Variants in GOLGA2 observed in about 807,000 individuals in gnomAD.
The protein encoded by GOLGA2 is golgin subfamily A member 2.
Under a neutral mutation model 148.8 loss-of-function variants are expected in GOLGA2, and 49 were observed. The ratio of observed to expected loss-of-function variants is 0.33; its 90% CI spans 0.26 to 0.42. The LOEUF is 0.42. Among genes scored for constraint, GOLGA2 ranks in the 10% least tolerant of loss-of-function variants. GOLGA2 has a pLI of 1.00. For missense variants in GOLGA2, 1,178 were observed against 1,304.6 expected, an observed-to-expected ratio of 0.90 and a Z score of 1.49; for synonymous variants, 501 against 511.8, an observed-to-expected ratio of 0.98 and a Z score of 0.28.
intron 2 of GOLGA2, among the ~76,000 whole-genome samples, chr9:128,273,354 CGCA>C (rs1279472794): frequency 6.6e-6 from 1 of 152,174 alleles, no homozygotes; most frequent in Non-Finnish European, 1.5e-5. Context: ...TCTGTGGTCA[CGCA>C]GCAAGCTGGT....
rs892333490 is a variant in GOLGA2, at chr9:128,256,712, T to C, written c.*355A>G. On this transcript the variant is annotated 3_prime_UTR_variant, in exon 27 of 27. Coordinates refer to ENST00000611957, the MANE Select transcript of GOLGA2 (RefSeq NM_001366244.2). ...TTTTAGTAGAGACACAGTTTCACCA[T>C]GTTGACCAGGCTGGTCTTGAACTCC... The C allele has an allele frequency of 3.7e-5, 6 of 160,996 alleles. No individual in the cohort carries two copies. The highest frequency in any genetic ancestry group is 1.4e-4 in the African/African-American group (6 of 41,538). The allele number at this position is 160,996 out of a possible 1,614,324, so 10.0% of individuals were successfully genotyped here. A position where few individuals can be genotyped will look rare whatever the true frequency, so the allele number is the denominator to read the frequency against.
At position 128,260,424 on chromosome 9, in the gene GOLGA2, G is replaced by A. The variant is rs749222989; in HGVS notation, c.1758+41C>T. On this transcript the variant is annotated intron_variant, in intron 18 of 26. Transcript: ENST00000611957. The surrounding 1 kb of genome is among the most constrained non-coding windows in gnomAD (Gnocchi z 4.8). Reference sequence around the variant, plus strand: ...CAGGTGGGAAAACAAAGGTCTGGAGGGCTAGGGAGGAGGGCGGGCTCTCCA... The same window carrying A: ...CAGGTGGGAAAACAAAGGTCTGGAGAGCTAGGGAGGAGGGCGGGCTCTCCA... 2.0e-6 allele frequency: 3 copies of A among 1,507,388 alleles called. No individual in the cohort carries two copies. The highest frequency in any genetic ancestry group is 3.4e-5 in the Admixed American group (2 of 58,980). The allele number at this position is 1,507,388 out of a possible 1,614,324, so 93.4% of individuals were successfully genotyped here.
chr9:128,265,664 A>C lies in GOLGA2; in HGVS notation c.854T>G (p.Leu285Arg). The stretch of plus-strand genomic sequence containing the variant: ...TCCCACACGCCGCCGGGAATACTGC[A>C]GGCGGCTGGCCAGATCTTCAGACTC... Reference protein sequence around the residue: ...EGESEDLASRLQYSRRRVGEL... With the variant: ...EGESEDLASRRQYSRRRVGEL... Residue 285 changes from leucine to arginine, a missense_variant, in exon 12 of 27, where the codon CTG becomes CGG. Transcript: ENST00000611957. 2.5e-6 allele frequency: 4 copies of C among 1,613,846 alleles called. No individual in the cohort carries two copies. Among genetic ancestry groups the C allele is most frequent in the Non-Finnish European group, 3.4e-6 (4 of 1,179,884 alleles).
chr9:128,260,291 A>G lies in GOLGA2; in HGVS notation c.1759-102T>C. The stretch of plus-strand genomic sequence containing the variant: ...CCATGGCACCGGGAAGGGTGGAGGC[A>G]GGTTAGAAAAATCATCCCCTCTCCC... On this transcript the variant is annotated intron_variant, in intron 18 of 26. Coordinates refer to ENST00000611957, the MANE Select transcript of GOLGA2 (RefSeq NM_001366244.2). This position sits in a 1 kb window ranked among gnomAD's most constrained non-coding sequence, Gnocchi z 4.8. 1 of 1,192,376 alleles carries G rather than the reference A, an allele frequency of 8.4e-7. No homozygotes were observed. Among genetic ancestry groups the G allele is most frequent in the Non-Finnish European group, 1.2e-6 (1 of 809,376 alleles). The allele number at this position is 1,192,376 out of a possible 1,614,324, so 73.9% of individuals were successfully genotyped here. A position where few individuals can be genotyped will look rare whatever the true frequency, so the allele number is the denominator to read the frequency against.
At position 128,266,008 on chromosome 9, in the gene GOLGA2, A is replaced by G; in HGVS notation, c.694T>C (p.Cys232Arg). The G allele has an allele frequency of 6.2e-7, 1 of 1,613,440 alleles. No individual in the cohort carries two copies. The highest frequency in any genetic ancestry group is 2.2e-5 in the East Asian group (1 of 44,882). Residue 232 changes from cysteine to arginine, a missense_variant, in exon 10 of 27, where the codon TGC becomes CGC. Physicochemically the swap from Cys to Arg is radical, Grantham distance 180. This residue lies in a region of GOLGA2 where 304 missense variants were observed against 404.1 expected (regional missense o/e 0.75). Coordinates refer to ENST00000611957, the MANE Select transcript of GOLGA2 (RefSeq NM_001366244.2). The surrounding 1 kb of genome is among the most constrained non-coding windows in gnomAD (Gnocchi z 4.2). ...TDQLEEEKKE[C>R]HQKQGALREQ... ...CTTAGGGCTCCCTGCTTTTGGTGGC[A>G]TTCTTTCTTTTCCTATAGGAAGAGG...
intron 3 of GOLGA2, among the ~76,000 whole-genome samples, chr9:128,272,062 A>T (rs556731351): frequency 4.0e-5 from 6 of 150,736 alleles, no homozygotes; most frequent in Non-Finnish European, 7.4e-5. Context: ...AAAAACACTA[A>T]CTTCTAGGTG....
rs1170757194 is a variant in GOLGA2, at chr9:128,258,975, T to C, written c.2173+32A>G. ...AACAGTCCCCCCTTCTTCCTGGGGC[T>C]CTCTCCTCTTCCTGTGAGCAGGTTC... On this transcript the variant is annotated intron_variant, in intron 21 of 26. Transcript: ENST00000611957. The surrounding 1 kb of genome is among the most constrained non-coding windows in gnomAD (Gnocchi z 6.6). 5.1e-6 allele frequency: 7 copies of C among 1,363,778 alleles called. No individual in the cohort carries two copies. The highest frequency in any genetic ancestry group is 7.3e-6 in the Non-Finnish European group (7 of 959,486). 84.5% of individuals were successfully genotyped at this position (1,363,778 alleles called of 1,614,324 possible).
In GOLGA2 at chr9:128,257,353, C is replaced by A; in HGVS notation, c.2875+16G>T. Reference sequence around the variant, plus strand: ...CTTACTCCTGCCTGCCCACCCCTCCCGAGGGCTCTACTCACCACCCTGCTG... The same window carrying A: ...CTTACTCCTGCCTGCCCACCCCTCCAGAGGGCTCTACTCACCACCCTGCTG... On this transcript the variant is annotated intron_variant, in intron 26 of 26. Transcript: ENST00000611957. The surrounding 1 kb of genome is among the most constrained non-coding windows in gnomAD (Gnocchi z 8.0). 6.2e-7 allele frequency: 1 copy of A among 1,613,092 alleles called. No individual in the cohort carries two copies.
At chr9:128,268,223 G>A (rs1830717471) in intron 4 of GOLGA2, 63 bp from the exon 5 acceptor site, 1 of 1,433,948 alleles carries the variant, frequency 7.0e-7, no homozygotes, top group African/African-American at 1.4e-5. Context: ...CCAGGATGGG[G>A]TGAGTCAAGC....
chr9:128,274,000 A>C (rs1329229819), intron 1 of GOLGA2, 28 bp from the exon 2 acceptor site: 19 of 1,604,562 alleles, frequency 1.2e-5, no homozygotes, highest in Non-Finnish European at 1.6e-5. Context: ...AATAATATTC[A>C]TGAGATCTAC....
In GOLGA2 at chr9:128,263,992, T is replaced by TA. The variant is rs1168441141; in HGVS notation, c.934-901dup. Among the ~76,000 whole-genome samples, 661 of 128,254 alleles carry TA rather than the reference T, an allele frequency of 5.2e-3. 4 individuals are homozygous for TA. The highest frequency in any genetic ancestry group is 0.016 in the African/African-American group (547 of 35,140). 84.1% of individuals were successfully genotyped at this position (128,254 alleles called of 152,430 possible). A position where few individuals can be genotyped will look rare whatever the true frequency, so the allele number is the denominator to read the frequency against. Reference sequence around the variant, plus strand: ...TAACACGGTGAAACCCCATCTCTACTAAAAAAAAAAAAAATACAAAAAATT... The same window carrying TA: ...TAACACGGTGAAACCCCATCTCTACTAAAAAAAAAAAAAAATACAAAAAATT... On this transcript the variant is annotated intron_variant, in intron 12 of 26. Transcript: ENST00000611957.
chr9:128,257,165 G>A lies in GOLGA2; in HGVS notation c.2992C>T (p.Gln998Ter). 1 of 1,614,108 alleles carries A rather than the reference G, an allele frequency of 6.2e-7. No homozygotes were observed. Among genetic ancestry groups the A allele is most frequent in the Non-Finnish European group, 8.5e-7 (1 of 1,179,976 alleles). ...AAGCCTGGGCGCTCCCGGGGGTTCT[G>A]CATCTCACGAAGCAGCTGCATGATC... is the stretch of plus-strand genomic sequence containing the variant. ...QQIMQLLREM[Q>*]NPRERPGLGS... Residue 998 changes from glutamine to a stop codon, truncating the protein, a stop_gained, in exon 27 of 27, where the codon CAG becomes TAG. Transcript: ENST00000611957. LOFTEE classifies it high-confidence loss of function. The surrounding 1 kb of genome is among the most constrained non-coding windows in gnomAD (Gnocchi z 8.0).
At chr9:128,275,290 G>C in intron 1 of GOLGA2, 1 of 720,170 alleles carries the variant, frequency 1.4e-6, no homozygotes, top group East Asian at 3.3e-5. Context: ...AGGGGACTGG[G>C]TCCTAAGATC....
chr9:128,268,334 C>A, intron 4 of GOLGA2, 86 bp downstream of exon 4: 2 of 1,045,290 alleles, frequency 1.9e-6, no homozygotes, highest in Non-Finnish European at 3.0e-6. Context: ...GGCCCTTGAC[C>A]CTAGGGAACA....
intron 3 of GOLGA2, among the ~76,000 whole-genome samples, chr9:128,269,813 A>G (rs569049319): frequency 4.9e-4 from 75 of 152,320 alleles, no homozygotes; most frequent in African/African-American, 1.8e-3. Context: ...TGGACCCTTC[A>G]GCCCTGGCTT....
intron 3 of GOLGA2, among the ~76,000 whole-genome samples, chr9:128,268,830 G>A (rs770944161): frequency 2.6e-5 from 4 of 152,224 alleles, no homozygotes; most frequent in Non-Finnish European, 4.4e-5. Context: ...CAGCAGGCAG[G>A]AGGAAGGTGT....
At chr9:128,270,668 G>C (rs1338344601) in intron 3 of GOLGA2, among the ~76,000 whole-genome samples, 1 of 151,764 alleles carries the variant, frequency 6.6e-6, no homozygotes, top group East Asian at 1.9e-4. Flanking sequence ...TCCTGGAGTA[G>C]AAAACTTACA....
chr9:128,258,130 C>T lies in GOLGA2; in HGVS notation c.2358G>A (p.Lys786=). The change falls in exon 23 of 27, where the codon AAG becomes AAA. Residue 786 remains lysine (K), a synonymous_variant. Transcript: ENST00000611957. This position sits in a 1 kb window ranked among gnomAD's most constrained non-coding sequence, Gnocchi z 6.6. Reference sequence around the variant, plus strand: ...GGCGCCGGCAGCGCACCCTTTGCTCCTTCAGCTGCCCACGTAGCCTTGCCT... The same window carrying T: ...GGCGCCGGCAGCGCACCCTTTGCTCTTTCAGCTGCCCACGTAGCCTTGCCT... The part of the protein sequence containing the change: ...EEQARLRGQL[K]EQRVRCRRLA... 5.0e-6 allele frequency: 8 copies of T among 1,608,582 alleles called. No individual in the cohort carries two copies. Among genetic ancestry groups the T allele is most frequent in the Non-Finnish European group, 6.8e-6 (8 of 1,179,352 alleles).
Position 128,257,216 on chromosome 9 carries a change from G to C in GOLGA2, c.2941C>G (p.Pro981Ala), listed in dbSNP as rs1384514878. The change falls in exon 27 of 27, where the codon CCC (proline) becomes GCC (alanine). Residue 981 changes from proline (P) to alanine (A), a missense_variant. Physicochemically the swap from Pro to Ala is conservative, Grantham distance 27. Coordinates refer to ENST00000611957, the MANE Select transcript of GOLGA2 (RefSeq NM_001366244.2). The surrounding 1 kb of genome is among the most constrained non-coding windows in gnomAD (Gnocchi z 8.0). ...PAQGEAREGS[P>A]RDNPTAQQIM... The stretch of plus-strand genomic sequence containing the variant: ...TGCTGTGCAGTGGGGTTGTCACGGG[G>C]AGAACCCTCCCTGGCCTCTCCTTGG... The C allele has an allele frequency of 1.2e-6, 2 of 1,613,954 alleles. No individual in the cohort carries two copies. Among genetic ancestry groups the C allele is most frequent in the South Asian group, 1.1e-5 (1 of 91,078 alleles).
Sources: gnomAD v4.1 joint callset for allele counts (sites outside exome capture counted in the v4.1 genomes callset) on GRCh38, gnomAD v4.1.1 for gene constraint, gnomAD v4.1.1 regional missense constraint, Gnocchi (gnomAD v3.1) non-coding constraint, MANE v1.5 for transcripts, NCBI Gene and HGNC (gene_info 2026-07-23, HGNC 2026-07-21) for gene names.